The following TPO variants were observed in gnomAD, a reference collection of about 807,000 sequenced individuals.
The protein encoded by TPO is thyroid peroxidase, also known as thyroid microsomal antigen.
Under a neutral mutation model 96.9 loss-of-function variants are expected in TPO, and 78 were observed. The observed-to-expected ratio is 0.81, with a 90% CI of 0.67 to 0.97. TPO has a LOEUF of 0.97. Ranked by LOEUF, TPO falls within the 50% of genes least tolerant of loss-of-function variation. The pLI, the probability that TPO is intolerant of heterozygous loss-of-function variation, is 0.00. For synonymous variants in TPO, 547 were observed against 538.0 expected (o/e 1.02, Z -0.23); for missense variants, 1,252 against 1,274.8 (o/e 0.98, Z 0.27).
chr2:1,393,079 G>A (rs1032613301), intron 1 of TPO, among the ~76,000 whole-genome samples: 1 of 152,202 alleles, frequency 6.6e-6, no homozygotes, highest in Non-Finnish European at 1.5e-5. Flanking sequence ...TGAAGAAAAA[G>A]GGTTTCACTG....
intron 2 of TPO, among the ~76,000 whole-genome samples, chr2:1,422,388 C>CTCTCCTGGACAGACCTCGT (rs1573110964): frequency 3.3e-5 from 5 of 152,126 alleles, no homozygotes; most frequent in South Asian, 2.1e-4. Context: ...GTGCAGGCGC[C>CTCTCCTGGACAGACCTCGT]GCGCTGGGCC....
intron 3 of TPO, among the ~76,000 whole-genome samples, chr2:1,432,455 T>A (rs1015795313): frequency 2.6e-5 from 4 of 152,052 alleles, no homozygotes; most frequent in African/African-American, 9.7e-5. Context: ...GGTGCTTGTG[T>A]GGGAGACCAG....
intron 5 of TPO, among the ~76,000 whole-genome samples, chr2:1,449,641 T>TAA (rs766877525): frequency 6.6e-6 from 1 of 152,090 alleles, no homozygotes; most frequent in Non-Finnish European, 1.5e-5. Context: ...CTTGAAGTGA[T>TAA]AAAAAAACAG....
intron 14 of TPO, among the ~76,000 whole-genome samples, chr2:1,510,577 G>A (rs1369109467): frequency 6.6e-6 from 1 of 152,196 alleles, no homozygotes; most frequent in Non-Finnish European, 1.5e-5. Context: ...AGATGAATTC[G>A]TGCCTAAGAG....
chr2:1,541,172 A>T (rs1187009816), intron 16 of TPO: 2 of 1,174,218 alleles, frequency 1.7e-6, no homozygotes, highest in Admixed American at 7.5e-5. Flanking sequence ...TCAAAAACTC[A>T]CTTGTGTAAG....
Position 1,540,678 on chromosome 2 carries a change from C to A in TPO, c.2703C>A (p.Ala901=), listed in dbSNP as rs141684908. 10 of 1,613,242 alleles carry A rather than the reference C, an allele frequency of 6.2e-6. No individual in the cohort carries two copies. Among genetic ancestry groups the A allele is most frequent in the Non-Finnish European group, 8.5e-6 (10 of 1,180,028 alleles). Residue 901 remains alanine, a synonymous_variant, in exon 16 of 17, where the codon GCC becomes GCA. Transcript: ENST00000329066. ...TPELRCGKHQ[A]VGTSPQRAAA... ...AGCTGAGATGCGGAAAGCACCAGGC[C>A]GTAGGGACCTCACCGCAGCGGGCCG...
rs536281655 is a variant in TPO at position 1,477,538 on chromosome 2, C to T, written c.1272C>T (p.Leu424=). The T allele has an allele frequency of 5.2e-6, 8 of 1,535,692 alleles. No individual in the cohort carries two copies. Among genetic ancestry groups the T allele is most frequent in the African/African-American group, 4.1e-5 (3 of 72,352 alleles). Residue 424 remains leucine (L), a synonymous_variant, in exon 8 of 17, where the codon CTC becomes CTT. Coordinates refer to ENST00000329066, the MANE Select transcript of TPO (RefSeq NM_001206744.2). ...GCCTGGCCGCGGCGCTCAAGGCCCTCAATGCGCACTGGAGCGCGGACGCCG... is the reference window on the plus strand; with the variant it reads ...GCCTGGCCGCGGCGCTCAAGGCCCTTAATGCGCACTGGAGCGCGGACGCCG... ...HNRLAAALKA[L]NAHWSADAVY...
chr2:1,520,986 T>C (rs1386137937), intron 15 of TPO, among the ~76,000 whole-genome samples: 1 of 152,218 alleles, frequency 6.6e-6, no homozygotes, highest in Non-Finnish European at 1.5e-5. Context: ...CTCTTGTTTT[T>C]ATTATTTTTA....
At chr2:1,471,041 T>A (rs768170399) in intron 7 of TPO, among the ~76,000 whole-genome samples, 2 of 152,252 alleles carry the variant, frequency 1.3e-5, no homozygotes, top group Admixed American at 6.5e-5. Context: ...AGCAGAGTTG[T>A]GCTACAGTGC....
chr2:1,488,132 C>T, intron 10 of TPO, 141 bp downstream of exon 10: 1 of 1,218,544 alleles, frequency 8.2e-7, no homozygotes, highest in Non-Finnish European at 1.2e-6. Flanking sequence ...TAAAGGGCTC[C>T]AGTTCATTCA....
intron 1 of TPO, among the ~76,000 whole-genome samples, chr2:1,397,438 A>G (rs115471453): frequency 1.2e-3 from 177 of 152,234 alleles, no homozygotes; most frequent in African/African-American, 4.2e-3. Context: ...AAGATACACC[A>G]TTCCCTCCCC....
chr2:1,528,967 C>A (rs550952677), intron 15 of TPO, among the ~76,000 whole-genome samples: 1 of 141,740 alleles, frequency 7.1e-6, no homozygotes, highest in Non-Finnish European at 1.5e-5. Context: ...CTCCTAAAAT[C>A]CCCCCACTGT....
chr2:1,450,098 C>T (rs559744613), intron 5 of TPO, among the ~76,000 whole-genome samples: 2 of 152,282 alleles, frequency 1.3e-5, no homozygotes, highest in East Asian at 3.9e-4. Flanking sequence ...AAAGAGGTGC[C>T]GTTACAGGAG....
At chr2:1,412,331 C>G (rs1168385816), upstream of TPO, among the ~76,000 whole-genome samples, 3 of 152,224 alleles carry the variant, frequency 2.0e-5, no homozygotes, top group Non-Finnish European at 4.4e-5. Flanking sequence ...CATCATTGAG[C>G]CATGGAATCC....
rs745803367 is a variant in TPO at position 1,496,773 on chromosome 2, CT to C, written c.2386+11del. The C allele has an allele frequency of 2.9e-5, 46 of 1,613,708 alleles. No individual in the cohort carries two copies. The highest frequency in any genetic ancestry group is 2.5e-6 in the Non-Finnish European group (3 of 1,179,742). On this transcript the variant is annotated intron_variant, in intron 13 of 16. Transcript: ENST00000329066. Reference sequence around the variant, plus strand: ...AGCCTCCCCTCTGCAAAGGTCAGTCCTTTCTTCAATGACAATTACAAAACAT... The same window carrying C: ...AGCCTCCCCTCTGCAAAGGTCAGTCCTTCTTCAATGACAATTACAAAACAT...
intron 10 of TPO, among the ~76,000 whole-genome samples, chr2:1,491,188 A>C (rs1337994064): frequency 6.6e-6 from 1 of 151,174 alleles, no homozygotes. Context: ...CCAAAAAAAC[A>C]CTTTTTTTTG....
intron 7 of TPO, among the ~76,000 whole-genome samples, chr2:1,470,308 G>A (rs757234807): frequency 2.0e-5 from 3 of 152,116 alleles, no homozygotes; most frequent in Admixed American, 6.5e-5. Context: ...AACTTTGGAC[G>A]TGAGCTTTGT....
chr2:1,511,851 C>T (rs1038922168), intron 14 of TPO, among the ~76,000 whole-genome samples: 4 of 152,182 alleles, frequency 2.6e-5, no homozygotes, highest in East Asian at 1.9e-4. Flanking sequence ...CTGGGAGACC[C>T]GGTTCAGCCC....
intron 15 of TPO, among the ~76,000 whole-genome samples, chr2:1,526,841 C>T (rs1435001856): frequency 1.4e-5 from 2 of 142,636 alleles, no homozygotes; most frequent in African/African-American, 5.4e-5. Flanking sequence ...CAAATCCTCC[C>T]CACTCTGTGC....
Sources: allele counts gnomAD v4.1 joint callset (sites outside exome capture counted in the v4.1 genomes callset), GRCh38; gene constraint gnomAD v4.1.1; transcripts MANE v1.5; gene names NCBI Gene and HGNC (gene_info 2026-07-23, HGNC 2026-07-21).